Variants in CPN1 observed in about 807,000 individuals in gnomAD.
The protein encoded by CPN1 is carboxypeptidase N subunit 1.
In CPN1, 37 loss-of-function variants were observed where a neutral mutation model predicts 46.4. That is an observed-to-expected ratio of 0.80 (90% CI 0.61 to 1.05). The LOEUF is 1.05. CPN1 is among the 50% of genes least tolerant of loss of function. The pLI, the probability that CPN1 is intolerant of heterozygous loss-of-function variation, is 0.00. For missense variants in CPN1, 563 were observed against 602.6 expected (o/e 0.93, Z 0.69); for synonymous variants, 224 against 235.4 (o/e 0.95, Z 0.44).
At chr10:100,072,020 T>C (rs1411369574) in intron 2 of CPN1, among the ~76,000 whole-genome samples, 1 of 152,182 alleles carries the variant, frequency 6.6e-6, no homozygotes, top group Non-Finnish European at 1.5e-5. Flanking sequence ...GACATTTGGG[T>C]TGTTTTCACC....
chr10:100,054,545 A>G (rs11190381), intron 6 of CPN1, 99 bp from the exon 7 acceptor site: 32,673 of 958,972 alleles, frequency 0.034, 1,737 homozygotes, highest in East Asian at 0.25. Flanking sequence ...TTTGTATTTT[A>G]TCTTCACAAA....
At chr10:100,062,554 T>A (rs994774453) in intron 5 of CPN1, among the ~76,000 whole-genome samples, 1 of 152,180 alleles carries the variant, frequency 6.6e-6, no homozygotes, top group African/African-American at 2.4e-5. Context: ...TGTGTATTAT[T>A]TTATTTAATA....
intron 5 of CPN1, among the ~76,000 whole-genome samples, chr10:100,060,808 G>A (rs1190385947): frequency 3.9e-5 from 6 of 152,030 alleles, no homozygotes; most frequent in East Asian, 3.8e-4. Flanking sequence ...AGTTATCTGC[G>A]CTCCCTTGTT....
At chr10:100,058,073 C>T (rs1288467145) in intron 5 of CPN1, among the ~76,000 whole-genome samples, 1 of 152,064 alleles carries the variant, frequency 6.6e-6, no homozygotes, top group African/African-American at 2.4e-5. Context: ...TTCTTTCCTC[C>T]ATAACATTTT....
At chr10:100,051,802 T>C (rs766171483) in intron 7 of CPN1, among the ~76,000 whole-genome samples, 5 of 152,200 alleles carry the variant, frequency 3.3e-5, no homozygotes, top group Non-Finnish European at 5.9e-5. Context: ...GCGCTGGGAT[T>C]ACAGGCATGA....
chr10:100,055,577 T>C (rs1237811031), intron 6 of CPN1, among the ~76,000 whole-genome samples: 1 of 152,126 alleles, frequency 6.6e-6, no homozygotes. Context: ...CAGGCTGGAG[T>C]GCAATGGCGC....
chr10:100,043,091 CAAAAAA>C (rs749971720), intron 8 of CPN1, among the ~76,000 whole-genome samples: 2 of 57,592 alleles, frequency 3.5e-5, no homozygotes, highest in Non-Finnish European at 7.3e-5. Context: ...GACTCCATCT[CAAAAAA>C]AAAAAAAAAA....
intron 8 of CPN1, among the ~76,000 whole-genome samples, chr10:100,043,400 GAAAA>G (rs11395382): frequency 3.4e-5 from 5 of 147,170 alleles, no homozygotes; most frequent in African/African-American, 1.2e-4. Context: ...ATCTCAAAAA[GAAAA>G]AAAAAAGTAA....
chr10:100,063,717 C>T lies in CPN1; in HGVS notation c.768G>A (p.Lys256=). ...TCCATCCATGTGCATAGGAGTAGAC[C>T]TTGGCCAGCTAGAGGAAAAGCAGGA... is the stretch of plus-strand genomic sequence containing the variant. ...PDDKLFQKLA[K]VYSYAHGWMF... is the part of the protein sequence containing the mutation. The change falls in exon 5 of 9, where the codon AAG becomes AAA. Residue 256 remains lysine (K), a synonymous_variant. Coordinates refer to ENST00000370418, the MANE Select transcript of CPN1 (RefSeq NM_001308.3). 1 of 1,613,698 alleles carries T rather than the reference C, an allele frequency of 6.2e-7. No homozygotes were observed. The highest frequency in any genetic ancestry group is 1.1e-5 in the South Asian group (1 of 91,088).
Position 100,069,849 on chromosome 10 carries a change from A to G in CPN1, c.441T>C (p.Tyr147=), listed in dbSNP as rs769248276. ...CATTTGCATTGTTCCTGCCAACTAG[A>G]TACCCAGGCTTGTTTGGGCCCTAAA... The part of the protein sequence containing the change: ...AAAQGPNKPG[Y]LVGRNNANGV... The change falls in exon 3 of 9, where the codon TAT becomes TAC. Residue 147 remains tyrosine (Y), a synonymous_variant. Coordinates refer to ENST00000370418, the MANE Select transcript of CPN1 (RefSeq NM_001308.3). 6.2e-7 allele frequency: 1 copy of G among 1,613,822 alleles called. No homozygotes were observed. The highest frequency in any genetic ancestry group is 8.5e-7 in the Non-Finnish European group (1 of 1,179,994).
At chr10:100,050,394 G>A (rs1340979905) in intron 7 of CPN1, among the ~76,000 whole-genome samples, 1 of 151,950 alleles carries the variant, frequency 6.6e-6, no homozygotes, top group African/African-American at 2.4e-5. Flanking sequence ...AATCTGTTGA[G>A]AGAAACAGAG....
At position 100,076,128 on chromosome 10, in the gene CPN1, G is replaced by C. The variant is rs371676125; in HGVS notation, c.224-21C>G. Reference sequence around the variant, plus strand: ...TTCCACTGCAAGGAAGAGAAAAGATGGGGGAAGCTTGGAAGTGTCATTGAT... The same window carrying C: ...TTCCACTGCAAGGAAGAGAAAAGATCGGGGAAGCTTGGAAGTGTCATTGAT... On this transcript the variant is annotated intron_variant, in intron 1 of 8. Transcript: ENST00000370418. The C allele has an allele frequency of 3.1e-6, 5 of 1,613,420 alleles. No individual in the cohort carries two copies. In the African/African-American group the frequency reaches 6.7e-5, roughly 22 times the overall value.
chr10:100,073,712 T>C (rs2041499036), intron 2 of CPN1, among the ~76,000 whole-genome samples: 1 of 151,002 alleles, frequency 6.6e-6, no homozygotes, highest in Non-Finnish European at 1.5e-5. Flanking sequence ...ATCTCCCAGG[T>C]TCAAGTGATT....
rs75559065 is a variant in CPN1 at position 100,069,570 on chromosome 10, T to C, written c.576+144A>G. The C allele has an allele frequency of 3.7e-3, 3,495 of 951,898 alleles. 50 individuals carry two copies. Among genetic ancestry groups the C allele is most frequent in the East Asian group, 0.018 (755 of 41,754 alleles). 59.0% of individuals were successfully genotyped at this position (951,898 alleles called of 1,614,324 possible). ...TACAAAGACACGGAAGAAATATATA[T>C]TATTGCTCTAGATGGGTTAATACTG... On this transcript the variant is annotated intron_variant, in intron 3 of 8. Transcript: ENST00000370418.
chr10:100,077,660 A>C (rs1009660690), intron 1 of CPN1, among the ~76,000 whole-genome samples: 1 of 152,198 alleles, frequency 6.6e-6, no homozygotes, highest in Non-Finnish European at 1.5e-5. Flanking sequence ...TTTTTCTCAA[A>C]GGAATGCTTA....
chr10:100,043,181 A>T (rs186149580), intron 8 of CPN1, among the ~76,000 whole-genome samples: 6 of 151,688 alleles, frequency 4.0e-5, no homozygotes, highest in Non-Finnish European at 4.4e-5. Flanking sequence ...AGATCACTTG[A>T]GATCAGGAGT....
At chr10:100,068,460 G>C (rs749744893) in intron 3 of CPN1, among the ~76,000 whole-genome samples, 2 of 151,892 alleles carry the variant, frequency 1.3e-5, no homozygotes, top group African/African-American at 4.8e-5. Flanking sequence ...TGATCCGCCC[G>C]CCTCGGCCTC....
intron 7 of CPN1, among the ~76,000 whole-genome samples, chr10:100,052,500 A>T (rs2041361249): frequency 6.6e-6 from 1 of 152,042 alleles, no homozygotes; most frequent in Non-Finnish European, 1.5e-5. Context: ...TACAAGCATG[A>T]GCCACTGTGC....
chr10:100,049,482 C>A (rs2041337743), intron 7 of CPN1, among the ~76,000 whole-genome samples: 2 of 152,172 alleles, frequency 1.3e-5, no homozygotes, highest in South Asian at 4.1e-4. Context: ...AGGCTGGTCT[C>A]AAACTCCTGG....
Sources: gnomAD v4.1 joint callset for allele counts (sites outside exome capture counted in the v4.1 genomes callset) on GRCh38, gnomAD v4.1.1 for gene constraint, MANE v1.5 for transcripts, NCBI Gene and HGNC (gene_info 2026-07-23, HGNC 2026-07-21) for gene names.